The following GALNT17 variants were observed in gnomAD, a reference collection of about 807,000 sequenced individuals.
The protein encoded by GALNT17 is polypeptide N-acetylgalactosaminyltransferase 17, also known as UDP-GalNAc:polypeptide N-acetylgalactosaminyltransferase-like 3.
In GALNT17, 29 loss-of-function variants were observed where a neutral mutation model predicts 63.7. The ratio of observed to expected loss-of-function variants is 0.46; its 90% confidence interval spans 0.34 to 0.62. The LOEUF is 0.62. Among genes scored for constraint, GALNT17 ranks in the 20% least tolerant of loss-of-function variants. GALNT17 has a pLI of 0.01. For synonymous variants in GALNT17, 305 were observed against 318.3 expected (o/e 0.96, Z 0.45); for missense variants, 603 against 799.6 (o/e 0.75, Z 2.97).
intron 1 of GALNT17, among the ~76,000 whole-genome samples, chr7:71,149,498 G>A (rs1040255000): frequency 2.6e-5 from 4 of 152,048 alleles, no homozygotes; most frequent in Non-Finnish European, 5.9e-5. Context: ...GCTGGGGTGA[G>A]CACAAGGATG....
intron 1 of GALNT17, among the ~76,000 whole-genome samples, chr7:71,194,309 T>A (rs1789006786): frequency 6.6e-6 from 1 of 152,204 alleles, no homozygotes; most frequent in Non-Finnish European, 1.5e-5. Context: ...ACTGTGGTCC[T>A]CATCGAATAG....
chr7:71,377,623 C>A (rs1404982326), intron 2 of GALNT17, among the ~76,000 whole-genome samples: 1 of 152,162 alleles, frequency 6.6e-6, no homozygotes, highest in African/African-American at 2.4e-5. Flanking sequence ...TCCATGCACC[C>A]ACAATGATAT....
intron 2 of GALNT17, among the ~76,000 whole-genome samples, chr7:71,386,636 T>C (rs1792950628): frequency 6.6e-6 from 1 of 152,134 alleles, no homozygotes; most frequent in Non-Finnish European, 1.5e-5. Context: ...CAAAGCTCTA[T>C]GCTCTGGAGT....
At chr7:71,681,770 C>G (rs1427076737) in intron 9 of GALNT17, among the ~76,000 whole-genome samples, 1 of 152,176 alleles carries the variant, frequency 6.6e-6, no homozygotes, top group Admixed American at 6.6e-5. Context: ...CTGGCATAAT[C>G]AAAAACTGCT....
intron 4 of GALNT17, among the ~76,000 whole-genome samples, chr7:71,419,784 G>A (rs1410431365): frequency 1.3e-5 from 2 of 152,214 alleles, no homozygotes; most frequent in Non-Finnish European, 2.9e-5. Flanking sequence ...GCTTGGCCAG[G>A]GCCATGGTCC....
chr7:71,276,188 G>A (rs1256433144), intron 1 of GALNT17, among the ~76,000 whole-genome samples: 1 of 152,082 alleles, frequency 6.6e-6, no homozygotes, highest in Non-Finnish European at 1.5e-5. Flanking sequence ...AATGTCTGTG[G>A]AATGGCTGAC....
At chr7:71,313,814 C>T (rs1190278087) in intron 1 of GALNT17, among the ~76,000 whole-genome samples, 1 of 152,058 alleles carries the variant, frequency 6.6e-6, no homozygotes, top group East Asian at 1.9e-4. Flanking sequence ...GGAGTCCTTC[C>T]AGAGTAACTA....
intron 2 of GALNT17, among the ~76,000 whole-genome samples, chr7:71,362,673 A>G (rs886280376): frequency 2.6e-5 from 4 of 152,162 alleles, no homozygotes; most frequent in African/African-American, 7.2e-5. Context: ...ATGCTGATTT[A>G]GTGGCATTTT....
chr7:71,438,971 A>C (rs1787017480), intron 5 of GALNT17, among the ~76,000 whole-genome samples: 1 of 150,508 alleles, frequency 6.6e-6, no homozygotes, highest in Non-Finnish European at 1.5e-5. Context: ...TGTAGCCTTG[A>C]CCTCCCAGGC....
chr7:71,167,745 C>T (rs541726313), intron 1 of GALNT17, among the ~76,000 whole-genome samples: 20 of 151,972 alleles, frequency 1.3e-4, no homozygotes, highest in Non-Finnish European at 2.4e-4. Context: ...GCTGGAGTGC[C>T]GTGGCGTGAT....
intron 5 of GALNT17, among the ~76,000 whole-genome samples, chr7:71,429,378 A>C (rs1373264615): frequency 6.6e-6 from 1 of 152,202 alleles, no homozygotes; most frequent in Non-Finnish European, 1.5e-5. Context: ...AGGAGAGAAA[A>C]TCATTTGTTA....
At position 71,132,721 on chromosome 7, in the gene GALNT17, C is replaced by G. The variant is rs1787704499; in HGVS notation, c.-82C>G. 2.5e-6 allele frequency: 3 copies of G among 1,222,294 alleles called. No homozygotes were observed. Among genetic ancestry groups the G allele is most frequent in the South Asian group, 1.5e-5 (1 of 65,864 alleles). The allele number at this position is 1,222,294 out of a possible 1,614,324, so 75.7% of individuals were successfully genotyped here. A position where few individuals can be genotyped will look rare whatever the true frequency, so the allele number is the denominator to read the frequency against. On this transcript the variant is annotated 5_prime_UTR_variant, in exon 1 of 11. Coordinates refer to ENST00000333538, the MANE Select transcript of GALNT17 (RefSeq NM_022479.3). ...CCTGCCGGCCGTCTGGTGTGTGAGG[C>G]TTGCACGGCCCCTGGCTGCCCCGCG... is the stretch of plus-strand genomic sequence containing the variant.
intron 9 of GALNT17, among the ~76,000 whole-genome samples, chr7:71,693,003 T>G (rs1174740843): frequency 6.6e-6 from 1 of 151,738 alleles, no homozygotes; most frequent in South Asian, 2.1e-4. Flanking sequence ...CCTCCCAAAG[T>G]GCATGAGCCA....
In GALNT17 at chr7:71,423,070, A is replaced by G. The variant is rs140016234; in HGVS notation, c.962+1965A>G. Among the ~76,000 whole-genome samples the G allele has an allele frequency of 3.5e-4, 53 of 151,982 alleles. No individual in the cohort carries two copies. In the East Asian group the frequency reaches 7.6e-3, roughly 22 times the overall value. Reference sequence around the variant, plus strand: ...CTGTCCATGTGTTCTGCTCCTCTCAACGTCCAGCCGCTTGTGTCTGTGCCC... The same window carrying G: ...CTGTCCATGTGTTCTGCTCCTCTCAGCGTCCAGCCGCTTGTGTCTGTGCCC... On this transcript the variant is annotated intron_variant, in intron 5 of 10. Coordinates refer to ENST00000333538, the MANE Select transcript of GALNT17 (RefSeq NM_022479.3).
chr7:71,484,111 A>G (rs1178889034), intron 5 of GALNT17, among the ~76,000 whole-genome samples: 1 of 152,212 alleles, frequency 6.6e-6, no homozygotes, highest in Admixed American at 6.5e-5. Flanking sequence ...TTGTATAAAT[A>G]GAAGGAACAC....
chr7:71,240,882 T>A (rs928806089), intron 1 of GALNT17, among the ~76,000 whole-genome samples: 5 of 152,122 alleles, frequency 3.3e-5, no homozygotes, highest in African/African-American at 1.2e-4. Flanking sequence ...GCCAGGATGG[T>A]CTCGATCTCC....
chr7:71,537,522 A>G (rs1788820708), intron 5 of GALNT17, among the ~76,000 whole-genome samples: 1 of 152,134 alleles, frequency 6.6e-6, no homozygotes, highest in Non-Finnish European at 1.5e-5. Context: ...TCCTTATAAG[A>G]TAGAAGAGAG....
chr7:71,214,875 G>A (rs1789449214), intron 1 of GALNT17, among the ~76,000 whole-genome samples: 4 of 152,140 alleles, frequency 2.6e-5, no homozygotes, highest in Admixed American at 2.6e-4. Context: ...ACCGCACCTG[G>A]CCTTTTGATT....
intron 6 of GALNT17, among the ~76,000 whole-genome samples, chr7:71,594,814 C>A (rs1789862971): frequency 6.6e-6 from 1 of 152,140 alleles, no homozygotes; most frequent in South Asian, 2.1e-4. Flanking sequence ...CTCTCCTGTG[C>A]ACCAGGAATT....
Sources: gnomAD v4.1 joint callset for allele counts (sites outside exome capture counted in the v4.1 genomes callset) on GRCh38, gnomAD v4.1.1 for gene constraint, MANE v1.5 for transcripts, NCBI Gene and HGNC (gene_info 2026-07-23, HGNC 2026-07-21) for gene names.